Variants in PNKD observed in about 807,000 individuals in gnomAD.
PNKD encodes the protein probable thioesterase PNKD.
Under a neutral mutation model 45.3 loss-of-function variants are expected in PNKD, and 36 were observed. That is an observed-to-expected ratio of 0.80 (90% CI 0.61 to 1.05). The LOEUF is 1.05. Ranked by LOEUF, PNKD falls within the 50% of genes least tolerant of loss-of-function variation. PNKD has a pLI of 0.00. For missense variants in PNKD, 511 were observed against 506.6 expected, an observed-to-expected ratio of 1.01 and a Z score of -0.08; for synonymous variants, 197 against 210.1, an observed-to-expected ratio of 0.94 and a Z score of 0.54.
intron 2 of PNKD, among the ~76,000 whole-genome samples, chr2:218,306,053 A>T (rs1327801681): frequency 6.6e-6 from 1 of 152,130 alleles, no homozygotes; most frequent in Non-Finnish European, 1.5e-5. Flanking sequence ...TGGTATCTTG[A>T]GGAAGCTGCC....
chr2:218,279,918 CA>C (rs1319090618), intron 2 of PNKD: 2 of 818,920 alleles, frequency 2.4e-6, no homozygotes, highest in Non-Finnish European at 4.3e-6. Flanking sequence ...GACAGGCAGC[CA>C]GTGTATTTCA....
At chr2:218,273,093 C>T (rs936330105) in intron 2 of PNKD, 59 of 470,334 alleles carry the variant, frequency 1.3e-4, no homozygotes, top group Non-Finnish European at 2.0e-4. Flanking sequence ...GCCTAGGCCC[C>T]GGGCCCTCGG....
chr2:218,277,568 C>T (rs1194584124), intron 2 of PNKD: 1 of 1,611,344 alleles, frequency 6.2e-7, no homozygotes, highest in Non-Finnish European at 8.5e-7. Context: ...TGGCTGCCGG[C>T]CCAGGAACAC....
At position 218,295,616 on chromosome 2, in the gene PNKD, G is replaced by T. The variant is rs535429652; in HGVS notation, c.236+24067G>T. Among the ~76,000 whole-genome samples the T allele has an allele frequency of 2.6e-5, 4 of 152,162 alleles. No individual in the cohort carries two copies. In the East Asian group the frequency reaches 5.8e-4, roughly 22 times the overall value. ...AGTTGCCCCAGCAAGCTAGGATGGG[G>T]GGTGGAGGGTGCAGTGGGGTAGAAG... On this transcript the variant is annotated intron_variant, in intron 2 of 9. Transcript: ENST00000273077.
intron 2 of PNKD, chr2:218,272,799 G>GT: frequency 6.2e-7 from 1 of 1,613,722 alleles, no homozygotes; most frequent in Non-Finnish European, 8.5e-7. Context: ...TGACTGTTAA[G>GT]TCCTCAGGTT....
At chr2:218,301,383 A>G (rs778948909) in intron 2 of PNKD, among the ~76,000 whole-genome samples, 4 of 152,162 alleles carry the variant, frequency 2.6e-5, no homozygotes, top group African/African-American at 9.7e-5. Flanking sequence ...CGTTCCATTT[A>G]CTTTTAACAA....
intron 2 of PNKD, among the ~76,000 whole-genome samples, chr2:218,289,474 T>TAAAATA: frequency 6.6e-6 from 1 of 151,726 alleles, no homozygotes; most frequent in Non-Finnish European, 1.5e-5. Flanking sequence ...AAACCTCGTC[T>TAAAATA]CTACTAAAAA....
intron 8 of PNKD, among the ~76,000 whole-genome samples, 171 bp from the exon 9 acceptor site, chr2:218,344,284 T>C (rs1694764690): frequency 6.6e-6 from 1 of 152,206 alleles, no homozygotes; most frequent in Non-Finnish European, 1.5e-5. Context: ...ATGGCTGACT[T>C]GTGCCCACAG....
intron 2 of PNKD, among the ~76,000 whole-genome samples, chr2:218,332,793 A>G (rs969704140): frequency 6.6e-6 from 1 of 151,924 alleles, no homozygotes; most frequent in Non-Finnish European, 1.5e-5. Context: ...TCAGAAAGGG[A>G]GTCTGATCCT....
At chr2:218,338,797 T>TTA in intron 2 of PNKD, among the ~76,000 whole-genome samples, 1 of 149,650 alleles carries the variant, frequency 6.7e-6, no homozygotes, top group East Asian at 2.0e-4. Flanking sequence ...GATGATTTTT[T>TTA]TTTTTTTTTT....
intron 2 of PNKD, among the ~76,000 whole-genome samples, chr2:218,334,521 C>T (rs1231476901): frequency 1.3e-5 from 2 of 152,212 alleles, no homozygotes; most frequent in Non-Finnish European, 2.9e-5. Context: ...GGCATGGTGG[C>T]ACGCACCTGT....
intron 2 of PNKD, among the ~76,000 whole-genome samples, chr2:218,273,446 GT>G (rs11299679): frequency 0.44 from 53,601 of 121,260 alleles, 10,866 homozygotes; most frequent in Middle Eastern, 0.57. Context: ...TACTTTTTGT[GT>G]TTTTTTTTTT....
chr2:218,301,316 C>G (rs1472559936), intron 2 of PNKD, among the ~76,000 whole-genome samples: 1 of 152,126 alleles, frequency 6.6e-6, no homozygotes, highest in Admixed American at 6.6e-5. Context: ...GGGTCTAGAT[C>G]GTAATTCATC....
At chr2:218,304,206 TGCAGTG>T (rs1009665578) in intron 2 of PNKD, among the ~76,000 whole-genome samples, 1 of 151,834 alleles carries the variant, frequency 6.6e-6, no homozygotes, top group African/African-American at 2.4e-5. Context: ...CAGGCTGGAG[TGCAGTG>T]GCGTGGTCTC....
intron 2 of PNKD, among the ~76,000 whole-genome samples, chr2:218,311,300 C>T (rs950735113): frequency 1.3e-5 from 2 of 152,072 alleles, no homozygotes; most frequent in South Asian, 2.1e-4. Context: ...TCAGGTGGGA[C>T]GAGAGACTGA....
intron 2 of PNKD, among the ~76,000 whole-genome samples, chr2:218,302,848 C>A (rs1246949299): frequency 6.6e-6 from 1 of 152,104 alleles, no homozygotes; most frequent in African/African-American, 2.4e-5. Context: ...TTGAAGGGAG[C>A]TTCCAGGTTA....
intron 2 of PNKD, chr2:218,275,759 C>G (rs1362141167): frequency 9.1e-6 from 10 of 1,100,856 alleles, no homozygotes; most frequent in Non-Finnish European, 1.3e-5. Flanking sequence ...AACATATGGG[C>G]TCTATACTGT....
chr2:218,307,073 C>G (rs1693431303), intron 2 of PNKD, among the ~76,000 whole-genome samples: 1 of 152,070 alleles, frequency 6.6e-6, no homozygotes, highest in Admixed American at 6.6e-5. Flanking sequence ...ACAGATGATG[C>G]CGTTGGCCAA....
intron 2 of PNKD, among the ~76,000 whole-genome samples, chr2:218,288,240 AAC>A (rs1692675769): frequency 1.3e-5 from 2 of 152,330 alleles, no homozygotes; most frequent in Admixed American, 6.5e-5. Flanking sequence ...CATCCTGGCT[AAC>A]ATGGTGAAAC....
Sources: allele counts gnomAD v4.1 joint callset (sites outside exome capture counted in the v4.1 genomes callset), GRCh38; gene constraint gnomAD v4.1.1; transcripts MANE v1.5; gene names NCBI Gene and HGNC (gene_info 2026-07-23, HGNC 2026-07-21).